The following AGPAT5 variants were observed in gnomAD, a reference collection of about 807,000 sequenced individuals.
AGPAT5 encodes 1-acyl-sn-glycerol-3-phosphate acyltransferase epsilon.
In AGPAT5, 46 loss-of-function variants were observed where a neutral mutation model predicts 45.6. The ratio of observed to expected loss-of-function variants is 1.01; its 90% CI spans 0.80 to 1.29. AGPAT5 has a LOEUF of 1.29. Among genes scored for constraint, AGPAT5 ranks in the 50% most tolerant of loss-of-function variants. The pLI is 0.00. For synonymous variants in AGPAT5, 272 were observed against 167.0 expected (o/e 1.63, Z -4.85); for missense variants, 673 against 450.7 (o/e 1.49, Z -4.47).
intron 1 of AGPAT5, among the ~76,000 whole-genome samples, chr8:6,716,286 G>C (rs1353796466): frequency 2.0e-5 from 3 of 152,072 alleles, no homozygotes; most frequent in Non-Finnish European, 4.4e-5. Context: ...TCTGGGCACG[G>C]TGTGGCTCAT....
chr8:6,757,271 G>A lies in AGPAT5; in HGVS notation c.978G>A (p.Leu326=). 6.2e-7 allele frequency: 1 copy of A among 1,614,146 alleles called. No homozygotes were observed. Among genetic ancestry groups the A allele is most frequent in the Non-Finnish European group, 8.5e-7 (1 of 1,180,010 alleles). The part of the protein sequence containing the change: ...LSIKKTLPSM[L]ILSGLTAGML... ...TCAAGAAGACTTTACCATCAATGTT[G>A]ATCTTAAGTGGTTTGACTGCAGGCA... The change falls in exon 8 of 8, where the codon TTG becomes TTA. Residue 326 remains leucine (L), a synonymous_variant. Coordinates refer to ENST00000285518, the MANE Select transcript of AGPAT5 (RefSeq NM_018361.5).
rs1005052134 is a variant in AGPAT5 at position 6,759,635 on chromosome 8, A to G, written c.*2247A>G. 1.3e-5 allele frequency: 2 copies of G among 152,120 alleles called. No homozygotes were observed. Among genetic ancestry groups the G allele is most frequent in the African/African-American group, 4.8e-5 (2 of 41,436 alleles). The allele number at this position is 152,120 out of a possible 1,614,324, so 9.4% of individuals were successfully genotyped here. On this transcript the variant is annotated 3_prime_UTR_variant, in exon 8 of 8. Coordinates refer to ENST00000285518, the MANE Select transcript of AGPAT5 (RefSeq NM_018361.5). Reference sequence around the variant, plus strand: ...AAAGGGTGTGTTTGGATGAAAGTAAAAAAAAAAATAAAATCTTTCACTGTC... The same window carrying G: ...AAAGGGTGTGTTTGGATGAAAGTAAGAAAAAAAATAAAATCTTTCACTGTC...
intron 1 of AGPAT5, among the ~76,000 whole-genome samples, chr8:6,722,806 C>G (rs1800550777): frequency 6.6e-6 from 1 of 151,776 alleles, no homozygotes; most frequent in Non-Finnish European, 1.5e-5. Flanking sequence ...TTGGCTACCT[C>G]TGAATTAATA....
intron 5 of AGPAT5, among the ~76,000 whole-genome samples, chr8:6,743,749 C>T (rs1159041719): frequency 6.7e-6 from 1 of 148,962 alleles, no homozygotes; most frequent in South Asian, 2.1e-4. Context: ...CACCTGGACC[C>T]ATTAAAGTAA....
intron 1 of AGPAT5, among the ~76,000 whole-genome samples, chr8:6,711,506 G>A (rs1337325635): frequency 6.6e-6 from 1 of 152,084 alleles, no homozygotes; most frequent in Non-Finnish European, 1.5e-5. Flanking sequence ...AATTTTATAA[G>A]CTTTTTTATA....
intron 1 of AGPAT5, among the ~76,000 whole-genome samples, chr8:6,710,141 C>A (rs959017323): frequency 1.3e-5 from 2 of 152,128 alleles, no homozygotes; most frequent in African/African-American, 4.8e-5. Flanking sequence ...AAAAATAATT[C>A]TATCTGTGGC....
chr8:6,716,001 C>G (rs1177658438), intron 1 of AGPAT5, among the ~76,000 whole-genome samples: 1 of 152,106 alleles, frequency 6.6e-6, no homozygotes, highest in Non-Finnish European at 1.5e-5. Context: ...TCATTCTAGT[C>G]TAGCTTTTCC....
chr8:6,745,123 A>C (rs1395859587), intron 5 of AGPAT5: 1 of 152,754 alleles, frequency 6.5e-6, no homozygotes, highest in South Asian at 2.1e-4. Flanking sequence ...TTTGATTTCA[A>C]AATCTTAATG....
At chr8:6,730,056 G>T (rs1587023197) in intron 2 of AGPAT5, among the ~76,000 whole-genome samples, 1 of 151,854 alleles carries the variant, frequency 6.6e-6, no homozygotes, top group Admixed American at 6.6e-5. Context: ...ATTCATAGTT[G>T]CATTTGGCCA....
At chr8:6,716,561 G>A (rs1367176833) in intron 1 of AGPAT5, among the ~76,000 whole-genome samples, 1 of 152,046 alleles carries the variant, frequency 6.6e-6, no homozygotes, top group Non-Finnish European at 1.5e-5. Context: ...AGGGCCAGGT[G>A]CGGAGGCTCA....
rs190416219 is a variant in AGPAT5 at position 6,749,785 on chromosome 8, A to G, written c.745+1957A>G. Among the ~76,000 whole-genome samples, 10 of 152,344 alleles carry G rather than the reference A, an allele frequency of 6.6e-5. No homozygotes were observed. In the East Asian group the frequency reaches 1.9e-3, roughly 29 times the overall value. ...AGTGTTTATAACCAATGAAAAACAG[A>G]TAGACTCCCCATAATAACCTTGTTT... On this transcript the variant is annotated intron_variant, in intron 6 of 7. Coordinates refer to ENST00000285518, the MANE Select transcript of AGPAT5 (RefSeq NM_018361.5).
intron 1 of AGPAT5, among the ~76,000 whole-genome samples, chr8:6,709,860 G>T (rs1800090702): frequency 6.6e-6 from 1 of 152,092 alleles, no homozygotes; most frequent in South Asian, 2.1e-4. Flanking sequence ...GAGAGGCCAG[G>T]GCCTCCATTT....
Position 6,757,481 on chromosome 8 carries a change from AGTGT to A in AGPAT5, c.*94_*97del. The A allele has an allele frequency of 3.1e-6, 3 of 980,160 alleles. No individual in the cohort carries two copies. The highest frequency in any genetic ancestry group is 4.7e-6 in the Non-Finnish European group (3 of 639,276). 60.7% of individuals were successfully genotyped at this position (980,160 alleles called of 1,614,324 possible). A position where few individuals can be genotyped will look rare whatever the true frequency, so the allele number is the denominator to read the frequency against. On this transcript the variant is annotated 3_prime_UTR_variant, in exon 8 of 8. Coordinates refer to ENST00000285518, the MANE Select transcript of AGPAT5 (RefSeq NM_018361.5). ...AAATTGTTTCCTGAATTTATTAAGGAGTGTAAATAAAGCCTTGTTGATTGAAGAT... is the reference window on the plus strand; with the variant it reads ...AAATTGTTTCCTGAATTTATTAAGGAAAATAAAGCCTTGTTGATTGAAGAT...
At chr8:6,719,903 G>A (rs144816803) in intron 1 of AGPAT5, among the ~76,000 whole-genome samples, 76 of 152,274 alleles carry the variant, frequency 5.0e-4, no homozygotes, top group African/African-American at 1.5e-3. Flanking sequence ...GTCTGTGATC[G>A]TGTCCTGAGA....
chr8:6,720,793 G>A, intron 1 of AGPAT5, among the ~76,000 whole-genome samples: 1 of 152,234 alleles, frequency 6.6e-6, no homozygotes, highest in African/African-American at 2.4e-5. Context: ...ACCCCTTGTT[G>A]TTTCTTGCAG....
intron 1 of AGPAT5, among the ~76,000 whole-genome samples, chr8:6,711,665 G>A (rs74900947): frequency 0.015 from 2,229 of 152,246 alleles, 39 homozygotes; most frequent in Non-Finnish European, 0.021. Flanking sequence ...TTAAGTTCTC[G>A]TGATTCTGGA....
At chr8:6,710,125 T>C (rs969382969) in intron 1 of AGPAT5, among the ~76,000 whole-genome samples, 2 of 151,396 alleles carry the variant, frequency 1.3e-5, no homozygotes, top group Non-Finnish European at 2.9e-5. Context: ...GTCATTCACC[T>C]CTTAAAAAAA....
At chr8:6,742,814 TTAAG>T (rs765174089) in intron 5 of AGPAT5, among the ~76,000 whole-genome samples, 3 of 152,216 alleles carry the variant, frequency 2.0e-5, no homozygotes, top group Non-Finnish European at 2.9e-5. Context: ...ACATGTCCTA[TTAAG>T]TAAGGAGTGT....
At chr8:6,756,698 A>G (rs1454854471) in intron 7 of AGPAT5, among the ~76,000 whole-genome samples, 1 of 151,718 alleles carries the variant, frequency 6.6e-6, no homozygotes, top group Non-Finnish European at 1.5e-5. Flanking sequence ...GGACTTGAGC[A>G]TCCTTTGATC....
Sources: allele counts gnomAD v4.1 joint callset (sites outside exome capture counted in the v4.1 genomes callset), GRCh38; gene constraint gnomAD v4.1.1; transcripts MANE v1.5; gene names NCBI Gene and HGNC (gene_info 2026-07-23, HGNC 2026-07-21).